TCN2: variants seen among roughly 807,000 people sequenced by gnomAD.
The protein encoded by TCN2 is transcobalamin-2.
A neutral mutation model predicts 48.6 loss-of-function variants in TCN2; 34 were observed. The observed-to-expected ratio is 0.70, with a 90% CI of 0.53 to 0.93. The LOEUF is 0.93. Ranked by LOEUF, TCN2 falls within the 40% of genes least tolerant of loss-of-function variation. The pLI is 0.00. For missense variants in TCN2, 652 were observed against 526.1 expected (o/e 1.24, Z -2.34); for synonymous variants, 283 against 212.5 (o/e 1.33, Z -2.89).
intron 8 of TCN2, among the ~76,000 whole-genome samples, chr22:30,626,112 G>A (rs1391856918): frequency 6.6e-6 from 1 of 152,116 alleles, no homozygotes; most frequent in Non-Finnish European, 1.5e-5. Context: ...CCTGGATTCT[G>A]TGTAGTGAGT....
chr22:30,610,729 T>A, intron 1 of TCN2, 142 bp from the exon 2 acceptor site: 1 of 810,620 alleles, frequency 1.2e-6, no homozygotes, highest in South Asian at 1.6e-5. Context: ...TATGGCTGCA[T>A]TTCCCCCTGC....
At chr22:30,618,479 G>A (rs1328792188) in intron 7 of TCN2, among the ~76,000 whole-genome samples, 2 of 152,020 alleles carry the variant, frequency 1.3e-5, no homozygotes, top group Non-Finnish European at 2.9e-5. Context: ...AGCCTCCTGA[G>A]TAGCTGGCGC....
intron 8 of TCN2, among the ~76,000 whole-genome samples, chr22:30,625,050 C>T (rs907361981): frequency 6.6e-6 from 1 of 152,094 alleles, no homozygotes; most frequent in East Asian, 1.9e-4. Context: ...AACCCTGTCT[C>T]TACTAAAAAT....
At chr22:30,625,472 T>A (rs1193086778) in intron 8 of TCN2, among the ~76,000 whole-genome samples, 1 of 152,068 alleles carries the variant, frequency 6.6e-6, no homozygotes, top group Non-Finnish European at 1.5e-5. Context: ...CTTAAAAATT[T>A]TTTTTTTTGA....
At chr22:30,623,243 C>G in intron 8 of TCN2, 160 bp downstream of exon 8, 1 of 565,652 alleles carries the variant, frequency 1.8e-6, no homozygotes, top group South Asian at 2.2e-5. Context: ...GAACTGAAGC[C>G]TTAGAATTTT....
intron 7 of TCN2, among the ~76,000 whole-genome samples, chr22:30,621,301 T>C (rs2087694392): frequency 6.6e-6 from 1 of 152,078 alleles, no homozygotes; most frequent in African/African-American, 2.4e-5. Context: ...CCTGTGTTTC[T>C]TAAAACCAAA....
chr22:30,613,805 C>T (rs975829026), intron 3 of TCN2, among the ~76,000 whole-genome samples: 1 of 152,142 alleles, frequency 6.6e-6, no homozygotes, highest in Non-Finnish European at 1.5e-5. Context: ...ATGGCCCAGC[C>T]TGTCTACCCT....
intron 2 of TCN2, among the ~76,000 whole-genome samples, chr22:30,612,464 C>A (rs1237631649): frequency 3.3e-5 from 5 of 152,056 alleles, no homozygotes; most frequent in Non-Finnish European, 7.3e-5. Context: ...GCAGAAGAAT[C>A]GCTTGAACTC....
At chr22:30,625,939 G>C (rs2087802227) in intron 8 of TCN2, among the ~76,000 whole-genome samples, 1 of 152,114 alleles carries the variant, frequency 6.6e-6, no homozygotes. Context: ...AAACATTTCT[G>C]ACACCTGGCT....
intron 5 of TCN2, 63 bp from the exon 6 acceptor site, chr22:30,615,538 C>A (rs1398583127): frequency 3.1e-6 from 5 of 1,613,642 alleles, no homozygotes; most frequent in Non-Finnish European, 4.2e-6. Flanking sequence ...TGGTCAGGTG[C>A]TGGAACACCT....
intron 7 of TCN2, among the ~76,000 whole-genome samples, chr22:30,618,369 C>T (rs902581400): frequency 2.6e-5 from 4 of 151,112 alleles, no homozygotes; most frequent in Admixed American, 1.3e-4. Flanking sequence ...TTATTTATTT[C>T]GAGACAGAGC....
At chr22:30,614,785 T>C (rs2087589407) in intron 4 of TCN2, among the ~76,000 whole-genome samples, 1 of 152,204 alleles carries the variant, frequency 6.6e-6, no homozygotes, top group South Asian at 2.1e-4. Flanking sequence ...GGCACATGCC[T>C]GTAGTCCCAG....
At position 30,626,793 on chromosome 22, in the gene TCN2, G is replaced by A; in HGVS notation, c.*272G>A. 8.8e-6 allele frequency: 5 copies of A among 565,654 alleles called. No individual in the cohort carries two copies. The South Asian group carries it at 1.0e-4, about 11-fold the overall frequency. The allele number at this position is 565,654 out of a possible 1,614,324, so 35.0% of individuals were successfully genotyped here. ...AGGTCTCCCATGAAGGCCACCCCAT[G>A]GTCTGATGGGCATGAAGCATCTCAG... On this transcript the variant is annotated 3_prime_UTR_variant, in exon 9 of 9. Transcript: ENST00000215838.
intron 2 of TCN2, among the ~76,000 whole-genome samples, chr22:30,611,297 C>T (rs998847731): frequency 1.1e-4 from 17 of 152,212 alleles, no homozygotes; most frequent in African/African-American, 4.1e-4. Flanking sequence ...CTGAGGCAGA[C>T]ATAACTAATC....
chr22:30,616,987 T>C (rs1461732657), intron 6 of TCN2, among the ~76,000 whole-genome samples: 1 of 151,910 alleles, frequency 6.6e-6, no homozygotes, highest in Non-Finnish European at 1.5e-5. Flanking sequence ...CAGAGATGCG[T>C]TGTGAACAAA....
chr22:30,623,859 TAC>T lies in TCN2; in HGVS notation c.1222+782_1222+783del, dbSNP rs200064411. ...ATACACACACATACATACACATACA[TAC>T]ACACATATATACACACATATATACA... On this transcript the variant is annotated intron_variant, in intron 8 of 8. Coordinates refer to ENST00000215838, the MANE Select transcript of TCN2 (RefSeq NM_000355.4). Among the ~76,000 whole-genome samples the T allele has an allele frequency of 4.9e-4, 24 of 48,836 alleles. 5 individuals are homozygous for T. Among genetic ancestry groups the T allele is most frequent in the South Asian group, 7.2e-4 (2 of 2,770 alleles). 32.0% of individuals were successfully genotyped at this position (48,836 alleles called of 152,430 possible). A position where few individuals can be genotyped will look rare whatever the true frequency, so the allele number is the denominator to read the frequency against.
intron 3 of TCN2, 106 bp downstream of exon 3, chr22:30,613,148 C>T: frequency 1.4e-6 from 2 of 1,470,580 alleles, no homozygotes; most frequent in Non-Finnish European, 1.8e-6. Context: ...AGGCGTCTTT[C>T]CCACCATCCA....
Position 30,623,402 on chromosome 22 carries a change from G to T in TCN2, c.1222+319G>T, listed in dbSNP as rs1027303244. 2.1e-5 allele frequency: 6 copies of T among 288,990 alleles called. No individual in the cohort carries two copies. In the East Asian group the frequency reaches 5.4e-4, roughly 26 times the overall value. 17.9% of individuals were successfully genotyped at this position (288,990 alleles called of 1,614,324 possible). ...AGTTTCGCTCTTGTTGCCCAGGCTG[G>T]AGTGCAGCGGTATGATCTCGGCTCG... On this transcript the variant is annotated intron_variant, in intron 8 of 8. Transcript: ENST00000215838.
Position 30,623,005 on chromosome 22 carries a change from A to C in TCN2, c.1144A>C (p.Thr382Pro). ...TQASLSGPYL[T>P]SVMGKAAGER... Reference sequence around the variant, plus strand: ...GGCCTCCTTGTCAGGCCCCTACTTAACCTCCGTGATGGGGAAAGCGGCCGG... The same window carrying C: ...GGCCTCCTTGTCAGGCCCCTACTTACCCTCCGTGATGGGGAAAGCGGCCGG... The change falls in exon 8 of 9, where the codon ACC (threonine) becomes CCC (proline). Residue 382 changes from threonine (T) to proline (P), a missense_variant. Coordinates refer to ENST00000215838, the MANE Select transcript of TCN2 (RefSeq NM_000355.4). 6.2e-7 allele frequency: 1 copy of C among 1,613,402 alleles called. No homozygotes were observed. Among genetic ancestry groups the C allele is most frequent in the African/African-American group, 1.3e-5 (1 of 74,642 alleles).
Sources: gnomAD v4.1 joint callset for allele counts (sites outside exome capture counted in the v4.1 genomes callset) on GRCh38, gnomAD v4.1.1 for gene constraint, MANE v1.5 for transcripts, NCBI Gene and HGNC (gene_info 2026-07-23, HGNC 2026-07-21) for gene names.